Variants in ASAP2 observed in about 807,000 individuals in gnomAD.
ASAP2 encodes arf-GAP with SH3 domain, ANK repeat and PH domain-containing protein 2.
A neutral mutation model predicts 131.4 loss-of-function variants in ASAP2; 45 were observed. The ratio of observed to expected loss-of-function variants is 0.34; its 90% CI spans 0.27 to 0.44. ASAP2 has a LOEUF of 0.44. Ranked by LOEUF, ASAP2 falls within the 20% of genes least tolerant of loss-of-function variation. The probability of loss-of-function intolerance (pLI) is 1.00; values close to 1 mark genes in which losing one functional copy is unlikely to be tolerated. For missense variants in ASAP2, 1,011 were observed against 1,297.0 expected, an observed-to-expected ratio of 0.78 and a Z score of 3.39; for synonymous variants, 510 against 503.0, an observed-to-expected ratio of 1.01 and a Z score of -0.19.
intron 11 of ASAP2, among the ~76,000 whole-genome samples, chr2:9,348,484 A>G (rs1672119237): frequency 6.6e-6 from 1 of 152,224 alleles, no homozygotes; most frequent in Non-Finnish European, 1.5e-5. Context: ...ATTTTCTCCC[A>G]TAAATTTTTC....
At chr2:9,208,575 A>G (rs769666641) in intron 1 of ASAP2, among the ~76,000 whole-genome samples, 6 of 152,212 alleles carry the variant, frequency 3.9e-5, no homozygotes, top group Non-Finnish European at 8.8e-5. Context: ...TCCTGTTAAT[A>G]TAACTTGGGT....
At chr2:9,220,898 A>G (rs1662366609) in intron 1 of ASAP2, among the ~76,000 whole-genome samples, 1 of 152,146 alleles carries the variant, frequency 6.6e-6, no homozygotes, top group South Asian at 2.1e-4. Flanking sequence ...TCCTGGCACC[A>G]TTTCTTGGGA....
chr2:9,313,313 G>C (rs937782471), intron 3 of ASAP2, among the ~76,000 whole-genome samples: 3 of 152,130 alleles, frequency 2.0e-5, no homozygotes, highest in Admixed American at 2.0e-4. Flanking sequence ...GTTCTTATTG[G>C]AATTAAATAA....
intron 1 of ASAP2, among the ~76,000 whole-genome samples, chr2:9,209,043 G>T (rs938237514): frequency 6.6e-6 from 1 of 152,164 alleles, no homozygotes; most frequent in East Asian, 1.9e-4. Context: ...TAATTCCAAA[G>T]CTCTTTTTGT....
chr2:9,375,041 C>T lies in ASAP2; in HGVS notation c.1746+97C>T, dbSNP rs1405621134. 26 of 996,592 alleles carry T rather than the reference C, an allele frequency of 2.6e-5. No homozygotes were observed. In the Admixed American group the frequency reaches 4.1e-4, roughly 16 times the overall value. 61.7% of individuals were successfully genotyped at this position (996,592 alleles called of 1,614,324 possible). A position where few individuals can be genotyped will look rare whatever the true frequency, so the allele number is the denominator to read the frequency against. On this transcript the variant is annotated intron_variant, in intron 17 of 27. Transcript: ENST00000281419. ...AGTACTTTACTTCAGGAGGCCAAGGCGGAGGATCCTTTGAGCTCAGGAGTT... is the reference window on the plus strand; with the variant it reads ...AGTACTTTACTTCAGGAGGCCAAGGTGGAGGATCCTTTGAGCTCAGGAGTT...
chr2:9,401,227 G>C (rs775400024), intron 26 of ASAP2, 47 bp from the exon 27 acceptor site: 1 of 1,608,504 alleles, frequency 6.2e-7, no homozygotes, highest in South Asian at 1.1e-5. Flanking sequence ...TGCCCTGAGA[G>C]CTGAGGCCTG....
At chr2:9,252,660 A>G (rs891016699) in intron 1 of ASAP2, among the ~76,000 whole-genome samples, 2 of 152,160 alleles carry the variant, frequency 1.3e-5, no homozygotes, top group African/African-American at 4.8e-5. Context: ...TCACGCCTGT[A>G]ATCCCAGCAC....
intron 17 of ASAP2, among the ~76,000 whole-genome samples, chr2:9,375,175 A>G (rs748505004): frequency 1.6e-4 from 25 of 151,624 alleles, no homozygotes; most frequent in African/African-American, 5.8e-4. Flanking sequence ...CCAGCTACTC[A>G]GGAGGCTGGG....
At chr2:9,279,434 G>T (rs138198279) in intron 2 of ASAP2, 45 bp downstream of exon 2, 1 of 1,565,220 alleles carries the variant, frequency 6.4e-7, no homozygotes, top group South Asian at 1.1e-5. Flanking sequence ...GGAAAATGTC[G>T]CATTTGAAGT....
chr2:9,260,209 C>A (rs146621018), intron 1 of ASAP2, among the ~76,000 whole-genome samples: 1 of 152,228 alleles, frequency 6.6e-6, no homozygotes, highest in Non-Finnish European at 1.5e-5. Context: ...CCCAGGTGAT[C>A]AAGTAATTTG....
At chr2:9,210,477 A>C (rs1238027870) in intron 1 of ASAP2, among the ~76,000 whole-genome samples, 1 of 152,142 alleles carries the variant, frequency 6.6e-6, no homozygotes, top group African/African-American at 2.4e-5. Flanking sequence ...GATGGGATTT[A>C]CATGGGGGGA....
At chr2:9,280,703 C>T (rs994826593) in intron 2 of ASAP2, among the ~76,000 whole-genome samples, 2 of 152,174 alleles carry the variant, frequency 1.3e-5, no homozygotes, top group African/African-American at 2.4e-5. Context: ...ATTACAGCAG[C>T]GGAAATTGAC....
Position 9,281,317 on chromosome 2 carries a change from C to T in ASAP2, c.199+1928C>T, listed in dbSNP as rs1400678090. Among the ~76,000 whole-genome samples, 3 of 152,146 alleles carry T rather than the reference C, an allele frequency of 2.0e-5. No individual in the cohort carries two copies. Among genetic ancestry groups the T allele is most frequent in the Admixed American group, 6.6e-5 (1 of 15,266 alleles). The stretch of plus-strand genomic sequence containing the variant: ...AAACACTGGCTGTGTAGCTGCTGCT[C>T]GTCTGGAGGAGAGACTTGTGTGACT... On this transcript the variant is annotated intron_variant, in intron 2 of 27. Transcript: ENST00000281419. The surrounding 1 kb of genome is among the most constrained non-coding windows in gnomAD (Gnocchi z 4.0).
chr2:9,247,501 C>T (rs1434152596), intron 1 of ASAP2, among the ~76,000 whole-genome samples: 1 of 152,182 alleles, frequency 6.6e-6, no homozygotes, highest in Non-Finnish European at 1.5e-5. Context: ...TTGAGTGCTT[C>T]TGTGGATTTG....
intron 1 of ASAP2, among the ~76,000 whole-genome samples, chr2:9,248,248 G>A (rs1172549013): frequency 6.6e-6 from 1 of 152,172 alleles, no homozygotes; most frequent in Non-Finnish European, 1.5e-5. Flanking sequence ...GGAATCTTTG[G>A]TGCTCCCAAC....
chr2:9,365,148 A>G (rs555933039), intron 15 of ASAP2, among the ~76,000 whole-genome samples: 31 of 152,344 alleles, frequency 2.0e-4, no homozygotes, highest in African/African-American at 7.2e-4. Context: ...GGGTCAGGTA[A>G]AGACATCATA....
chr2:9,368,316 C>G lies in ASAP2; in HGVS notation c.1462-109C>G, dbSNP rs1444446853. ...TCATTAAAGGCAAACCACTTTATTG[C>G]TCTATTTCTTAGTGGCCATTAAATA... is the stretch of plus-strand genomic sequence containing the variant. On this transcript the variant is annotated intron_variant, in intron 15 of 27. Transcript: ENST00000281419. The G allele has an allele frequency of 7.1e-6, 7 of 985,632 alleles. No homozygotes were observed. In the East Asian group the frequency reaches 1.0e-4, roughly 14 times the overall value. 61.1% of individuals were successfully genotyped at this position (985,632 alleles called of 1,614,324 possible). A position where few individuals can be genotyped will look rare whatever the true frequency, so the allele number is the denominator to read the frequency against.
intron 21 of ASAP2, among the ~76,000 whole-genome samples, chr2:9,387,224 A>AAAAAAAAAC (rs1675352587): frequency 6.6e-6 from 1 of 151,564 alleles, no homozygotes; most frequent in African/African-American, 2.4e-5. Context: ...AAAAAAAAAA[A>AAAAAAAAAC]AAACCATATA....
intron 24 of ASAP2, among the ~76,000 whole-genome samples, chr2:9,397,535 A>G (rs185836011): frequency 1.3e-5 from 2 of 151,780 alleles, no homozygotes; most frequent in Admixed American, 6.6e-5. Flanking sequence ...GAAGGATGCT[A>G]TCCCTTCCCC....
Sources: allele counts gnomAD v4.1 joint callset (sites outside exome capture counted in the v4.1 genomes callset), GRCh38; gene constraint gnomAD v4.1.1; non-coding constraint Gnocchi (gnomAD v3.1); transcripts MANE v1.5; gene names NCBI Gene and HGNC (gene_info 2026-07-23, HGNC 2026-07-21).